NRXN1: variants seen among roughly 807,000 people sequenced by gnomAD.
The protein encoded by NRXN1 is neurexin-1.
A neutral mutation model predicts 150.9 loss-of-function variants in NRXN1; 39 were observed. The ratio of observed to expected loss-of-function variants is 0.26; its 90% CI spans 0.20 to 0.34. The LOEUF is 0.34. NRXN1 is among the 10% of genes least tolerant of loss of function. The pLI is 1.00. For synonymous variants in NRXN1, 924 were observed against 757.0 expected (o/e 1.22, Z -3.62); for missense variants, 1,815 against 1,949.9 (o/e 0.93, Z 1.30).
intron 17 of NRXN1, among the ~76,000 whole-genome samples, chr2:50,436,140 C>T (rs562819827): frequency 5.9e-5 from 9 of 152,062 alleles, no homozygotes; most frequent in Non-Finnish European, 1.3e-4. Flanking sequence ...AACCAGCTCC[C>T]CTACTATTTA....
At chr2:50,937,341 T>C (rs1193083818) in intron 2 of NRXN1, among the ~76,000 whole-genome samples, 2 of 152,172 alleles carry the variant, frequency 1.3e-5, no homozygotes, top group African/African-American at 4.8e-5. Context: ...ATTTGCTTAA[T>C]AAATATGTGT....
intron 2 of NRXN1, among the ~76,000 whole-genome samples, chr2:50,964,959 C>G (rs1693817689): frequency 6.6e-6 from 1 of 151,318 alleles, no homozygotes; most frequent in African/African-American, 2.4e-5. Context: ...AAAGATAAAA[C>G]TGAAATAATA....
intron 2 of NRXN1, among the ~76,000 whole-genome samples, chr2:50,979,504 G>T (rs1469149823): frequency 6.6e-6 from 1 of 152,066 alleles, no homozygotes; most frequent in Non-Finnish European, 1.5e-5. Flanking sequence ...CCCTTATCAT[G>T]ACAATGGAGG....
At chr2:50,701,226 T>A (rs1229823882) in intron 5 of NRXN1, among the ~76,000 whole-genome samples, 2 of 152,140 alleles carry the variant, frequency 1.3e-5, no homozygotes, top group Non-Finnish European at 2.9e-5. Flanking sequence ...AAAGTTTCAA[T>A]CTCATCATCT....
At position 49,922,011 on chromosome 2, in the gene NRXN1, T is replaced by C; in HGVS notation, c.4457A>G (p.Lys1486Arg). The change falls in exon 23 of 23, where the codon AAA (lysine) becomes AGA (arginine). Residue 1486 changes from lysine (K) to arginine (R), a missense_variant. Transcript: ENST00000401669. Reference protein sequence around the residue: ...AQSNGAVVKEKQPSSAKSSNK... With the variant: ...AQSNGAVVKERQPSSAKSSNK... ...GGAGCTTTTCGCACTGCTGGGTTGT[T>C]TCTCCTTTACAACAGCCCCATTGGA... is the stretch of plus-strand genomic sequence containing the variant. The C allele has an allele frequency of 6.2e-7, 1 of 1,614,164 alleles. No homozygotes were observed. The highest frequency in any genetic ancestry group is 1.1e-5 in the South Asian group (1 of 91,082).
chr2:50,778,102 TAC>T (rs775824821), intron 5 of NRXN1, among the ~76,000 whole-genome samples: 3 of 152,096 alleles, frequency 2.0e-5, no homozygotes, highest in Non-Finnish European at 2.9e-5. Flanking sequence ...GCTTCAGAGA[TAC>T]AGTCAGTTAC....
At position 50,682,803 on chromosome 2, in the gene NRXN1, G is replaced by T. The variant is rs572940282; in HGVS notation, c.833-59188C>A. Among the ~76,000 whole-genome samples the T allele has an allele frequency of 9.2e-5, 14 of 152,172 alleles. No homozygotes were observed. In the East Asian group the frequency reaches 2.1e-3, roughly 23 times the overall value. ...AAACCAAAGTGATCTCAGTAACATAGGAAAAATTTTAAAGATATAGCTTAT... is the reference window on the plus strand; with the variant it reads ...AAACCAAAGTGATCTCAGTAACATATGAAAAATTTTAAAGATATAGCTTAT... On this transcript the variant is annotated intron_variant, in intron 5 of 22. Transcript: ENST00000401669.
At chr2:50,021,299 A>C (rs1687530083) in intron 21 of NRXN1, among the ~76,000 whole-genome samples, 1 of 152,178 alleles carries the variant, frequency 6.6e-6, no homozygotes, top group Non-Finnish European at 1.5e-5. Flanking sequence ...AGACATACGG[A>C]AAATATCTAT....
chr2:50,403,789 A>G (rs2082555520), intron 17 of NRXN1, among the ~76,000 whole-genome samples: 1 of 152,126 alleles, frequency 6.6e-6, no homozygotes, highest in Non-Finnish European at 1.5e-5. Flanking sequence ...GAATTTTAAA[A>G]TGCAGATTAT....
intron 17 of NRXN1, among the ~76,000 whole-genome samples, chr2:50,445,701 T>C (rs1206049477): frequency 6.6e-6 from 1 of 152,192 alleles, no homozygotes; most frequent in African/African-American, 2.4e-5. Flanking sequence ...ATGGGTATAA[T>C]TGTCAACCTT....
intron 18 of NRXN1, among the ~76,000 whole-genome samples, chr2:50,225,648 T>C (rs1398196968): frequency 1.3e-5 from 2 of 151,522 alleles, no homozygotes; most frequent in African/African-American, 2.4e-5. Flanking sequence ...GAAGGACAGG[T>C]AGGAATAAGA....
At chr2:50,983,306 G>C (rs945973164) in intron 2 of NRXN1, among the ~76,000 whole-genome samples, 1 of 151,992 alleles carries the variant, frequency 6.6e-6, no homozygotes, top group African/African-American at 2.4e-5. Flanking sequence ...CTTTCTCCTC[G>C]ATAGAAAAAT....
At chr2:50,151,522 AG>A (rs745943665) in intron 18 of NRXN1, among the ~76,000 whole-genome samples, 19 of 151,794 alleles carry the variant, frequency 1.3e-4, no homozygotes, top group Non-Finnish European at 1.9e-4. Context: ...GTTAGGCCTC[AG>A]GCTTCTAGTT....
intron 17 of NRXN1, among the ~76,000 whole-genome samples, chr2:50,250,036 T>C (rs2066896457): frequency 6.6e-6 from 1 of 152,198 alleles, no homozygotes; most frequent in Non-Finnish European, 1.5e-5. Flanking sequence ...AATACTTTAC[T>C]GACTGACTTG....
At chr2:50,776,876 GC>G (rs1250819619) in intron 5 of NRXN1, among the ~76,000 whole-genome samples, 1 of 151,966 alleles carries the variant, frequency 6.6e-6, no homozygotes, top group African/African-American at 2.4e-5. Flanking sequence ...AGCTACAAGG[GC>G]CAGTGCCCAC....
At chr2:50,942,532 T>C (rs1333318935) in intron 2 of NRXN1, among the ~76,000 whole-genome samples, 4 of 152,148 alleles carry the variant, frequency 2.6e-5, no homozygotes, top group Non-Finnish European at 5.9e-5. Context: ...GGAGCCCCAC[T>C]CTTGCATCTG....
chr2:50,109,168 T>C (rs1240909850), intron 18 of NRXN1, among the ~76,000 whole-genome samples: 3 of 152,180 alleles, frequency 2.0e-5, no homozygotes, highest in Admixed American at 6.5e-5. Flanking sequence ...TGTTAGAAAA[T>C]GTCCATAATG....
chr2:50,817,519 T>C (rs192796972), intron 5 of NRXN1, among the ~76,000 whole-genome samples: 2 of 152,158 alleles, frequency 1.3e-5, no homozygotes, highest in East Asian at 3.9e-4. Context: ...AGCATTGTGG[T>C]GATAGGGATA....
At position 50,799,949 on chromosome 2, in the gene NRXN1, A is replaced by T. The variant is rs370332983; in HGVS notation, c.832+121920T>A. Reference sequence around the variant, plus strand: ...CAGAGACAGAGAAACACACATGATAATTTTTTTAAAAATTAAATGTACTTA... The same window carrying T: ...CAGAGACAGAGAAACACACATGATATTTTTTTTAAAAATTAAATGTACTTA... On this transcript the variant is annotated intron_variant, in intron 5 of 22. Transcript: ENST00000401669. Among the ~76,000 whole-genome samples, 33 of 152,230 alleles carry T rather than the reference A, an allele frequency of 2.2e-4. No homozygotes were observed. In the East Asian group the frequency reaches 5.4e-3, roughly 25 times the overall value.
Sources: allele counts gnomAD v4.1 joint callset (sites outside exome capture counted in the v4.1 genomes callset), GRCh38; gene constraint gnomAD v4.1.1; transcripts MANE v1.5; gene names NCBI Gene and HGNC (gene_info 2026-07-23, HGNC 2026-07-21).